The following HPSE2 variants were observed in gnomAD, a reference collection of about 807,000 sequenced individuals.
The protein encoded by HPSE2 is inactive heparanase-2.
HPSE2 carries 38 observed loss-of-function variants against 60.5 expected under a neutral mutation model. That is an observed-to-expected ratio of 0.63 (90% confidence interval 0.48 to 0.82). The LOEUF is 0.82. Among genes scored for constraint, HPSE2 ranks in the 40% least tolerant of loss-of-function variants. HPSE2 has a pLI of 0.00. For synonymous variants in HPSE2, 295 were observed against 293.2 expected (o/e 1.01, Z -0.06); for missense variants, 713 against 740.4 (o/e 0.96, Z 0.43).
intron 10 of HPSE2, among the ~76,000 whole-genome samples, chr10:98,488,574 T>C (rs969502770): frequency 1.1e-4 from 16 of 152,328 alleles, no homozygotes; most frequent in East Asian, 3.9e-4. Flanking sequence ...CAGATATTTT[T>C]TCCCCCAAGT....
At position 98,581,057 on chromosome 10, in the gene HPSE2, C is replaced by T. The variant is rs1467665348; in HGVS notation, c.1320+33847G>A. ...CTGGGTTCAAGTGATTTTCTTGCCT[C>T]AGCCTCCTGAGTAGCTGGGATTATA... On this transcript the variant is annotated intron_variant, in intron 9 of 11. Coordinates refer to ENST00000370552, the MANE Select transcript of HPSE2 (RefSeq NM_021828.5). Among the ~76,000 whole-genome samples, 40 of 151,394 alleles carry T rather than the reference C, an allele frequency of 2.6e-4. 1 individual carries two copies. The highest frequency in any genetic ancestry group is 2.6e-3 in the Admixed American group (40 of 15,184).
chr10:98,682,444 T>C (rs2134139436), intron 6 of HPSE2, among the ~76,000 whole-genome samples: 1 of 152,276 alleles, frequency 6.6e-6, no homozygotes, highest in East Asian at 1.9e-4. Context: ...CATCATACCA[T>C]ACCTTAACCT....
intron 3 of HPSE2, among the ~76,000 whole-genome samples, chr10:99,003,269 T>C (rs188102004): frequency 6.6e-6 from 1 of 152,114 alleles, no homozygotes; most frequent in Non-Finnish European, 1.5e-5. Context: ...GACACTTAGA[T>C]TGATTCCATA....
At chr10:98,893,003 G>T (rs529000775) in intron 3 of HPSE2, among the ~76,000 whole-genome samples, 2 of 152,062 alleles carry the variant, frequency 1.3e-5, no homozygotes, top group East Asian at 3.9e-4. Flanking sequence ...CTTGTAAACA[G>T]TACTATGAGG....
chr10:98,535,372 A>G (rs1284343799), intron 9 of HPSE2, among the ~76,000 whole-genome samples: 2 of 152,122 alleles, frequency 1.3e-5, no homozygotes, highest in Admixed American at 6.5e-5. Flanking sequence ...AGCAGAGGGA[A>G]AGAAGAAAGG....
At chr10:98,545,440 A>G (rs549633627) in intron 9 of HPSE2, among the ~76,000 whole-genome samples, 5 of 152,220 alleles carry the variant, frequency 3.3e-5, no homozygotes, top group Admixed American at 6.5e-5. Flanking sequence ...GCAGCACATC[A>G]AAAAGCTTAT....
chr10:99,272,944 T>G, the HPSE2 span, among the ~76,000 whole-genome samples: 2 of 152,142 alleles, frequency 1.3e-5, no homozygotes, highest in African/African-American at 4.8e-5. Flanking sequence ...AAGAAGTCAT[T>G]ACTTGAAAAA....
intron 4 of HPSE2, among the ~76,000 whole-genome samples, chr10:98,729,926 T>C (rs1430838010): frequency 1.3e-5 from 2 of 152,090 alleles, no homozygotes; most frequent in Admixed American, 6.5e-5. Context: ...TTCTTAATAA[T>C]AGATGAAACG....
chr10:99,121,551 T>A (rs894609692), intron 3 of HPSE2, among the ~76,000 whole-genome samples: 1 of 148,310 alleles, frequency 6.7e-6, no homozygotes, highest in Non-Finnish European at 1.5e-5. Context: ...AAATAAAGAA[T>A]GTAAAAAGAC....
chr10:98,957,033 A>T (rs1403043092), intron 3 of HPSE2, among the ~76,000 whole-genome samples: 1 of 152,198 alleles, frequency 6.6e-6, no homozygotes, highest in African/African-American at 2.4e-5. Flanking sequence ...GAGTGATGCC[A>T]TATTGAAGTG....
chr10:99,142,878 G>A (rs536074655), intron 3 of HPSE2, among the ~76,000 whole-genome samples: 1 of 151,914 alleles, frequency 6.6e-6, no homozygotes, highest in Non-Finnish European at 1.5e-5. Context: ...CCTCTTATAA[G>A]TGCCTAAAAA....
Position 98,459,182 on chromosome 10 carries a change from C to A in HPSE2, c.*392G>T, listed in dbSNP as rs573911411. ...TTCCTTCCTCATCTTCCTCTGAGGG[C>A]AGCAGCAGCAGCAGGCTAAGGTTTG... On this transcript the variant is annotated 3_prime_UTR_variant, in exon 12 of 12. Transcript: ENST00000370552. 16 of 238,772 alleles carry A rather than the reference C, an allele frequency of 6.7e-5. No homozygotes were observed. Among genetic ancestry groups the A allele is most frequent in the African/African-American group, 2.9e-4 (13 of 44,706 alleles). The allele number at this position is 238,772 out of a possible 1,614,324, so 14.8% of individuals were successfully genotyped here.
At chr10:98,731,266 G>A (rs1272545069) in intron 4 of HPSE2, among the ~76,000 whole-genome samples, 2 of 151,764 alleles carry the variant, frequency 1.3e-5, no homozygotes, top group South Asian at 2.1e-4. Flanking sequence ...GCGACAGAGT[G>A]AGACCCTTTC....
intron 9 of HPSE2, among the ~76,000 whole-genome samples, chr10:98,515,014 G>A (rs10786433): frequency 0.51 from 77,241 of 151,918 alleles, 21,864 homozygotes; most frequent in South Asian, 0.66. Context: ...GTGAGCCACC[G>A]CGCCCAGCCC....
chr10:98,949,698 C>A (rs993036894), intron 3 of HPSE2, among the ~76,000 whole-genome samples: 2 of 152,118 alleles, frequency 1.3e-5, no homozygotes, highest in Non-Finnish European at 2.9e-5. Context: ...AATAAAAAGT[C>A]ATGCCTAATA....
At chr10:98,491,536 A>T (rs1941644500) in intron 9 of HPSE2, among the ~76,000 whole-genome samples, 1 of 152,206 alleles carries the variant, frequency 6.6e-6, no homozygotes, top group African/African-American at 2.4e-5. Context: ...TGGTTTTCAC[A>T]TTGCAAGGGA....
intron 4 of HPSE2, among the ~76,000 whole-genome samples, chr10:98,741,372 G>T (rs1406849712): frequency 5.3e-5 from 8 of 152,144 alleles, no homozygotes; most frequent in Admixed American, 5.2e-4. Flanking sequence ...ACCAAATGAT[G>T]TGTGGTTAAG....
At chr10:98,518,600 A>C (rs1325413349) in intron 9 of HPSE2, among the ~76,000 whole-genome samples, 2 of 151,968 alleles carry the variant, frequency 1.3e-5, no homozygotes, top group East Asian at 1.9e-4. Flanking sequence ...CCAGCTAACT[A>C]GGAGGCTGAG....
intron 6 of HPSE2, among the ~76,000 whole-genome samples, chr10:98,645,200 G>T (rs907010651): frequency 5.3e-5 from 8 of 152,140 alleles, no homozygotes; most frequent in African/African-American, 1.9e-4. Context: ...AGAGATGAAA[G>T]ATACTGTCTG....
Sources: gnomAD v4.1 joint callset for allele counts (sites outside exome capture counted in the v4.1 genomes callset) on GRCh38, gnomAD v4.1.1 for gene constraint, MANE v1.5 for transcripts, NCBI Gene and HGNC (gene_info 2026-07-23, HGNC 2026-07-21) for gene names.